Variants in PPA2 observed in about 807,000 individuals in gnomAD.
PPA2 encodes the protein inorganic pyrophosphatase 2, mitochondrial.
PPA2 carries 48 observed loss-of-function variants against 49.5 expected under a neutral mutation model. That is an observed-to-expected ratio of 0.97 (90% CI 0.77 to 1.23). The LOEUF (loss-of-function observed/expected upper bound fraction) is 1.23. PPA2 is among the 50% of genes most tolerant of loss of function. The pLI is 0.00. For synonymous variants in PPA2, 131 were observed against 139.9 expected (o/e 0.94, Z 0.45); for missense variants, 429 against 410.1 (o/e 1.05, Z -0.40).
chr4:105,379,617 C>A (rs1021655054), intron 10 of PPA2, among the ~76,000 whole-genome samples: 8 of 147,018 alleles, frequency 5.4e-5, no homozygotes, highest in African/African-American at 1.5e-4. Flanking sequence ...GCACCCGCCA[C>A]CACGCCTGGC....
chr4:105,373,296 A>G (rs925825666), intron 10 of PPA2, among the ~76,000 whole-genome samples: 2 of 152,168 alleles, frequency 1.3e-5, no homozygotes, highest in Non-Finnish European at 2.9e-5. Context: ...CAACATAAAA[A>G]TTGTACTCCT....
In PPA2 at chr4:105,458,785, G is replaced by C. The variant is rs149348728; in HGVS notation, c.158-2040C>G. Among the ~76,000 whole-genome samples, 552 of 121,942 alleles carry C rather than the reference G, an allele frequency of 4.5e-3. 4 individuals are homozygous for C. The highest frequency in any genetic ancestry group is 8.3e-3 in the Middle Eastern group (1 of 120). The allele number at this position is 121,942 out of a possible 152,430, so 80.0% of individuals were successfully genotyped here. On this transcript the variant is annotated intron_variant, in intron 1 of 11. Coordinates refer to ENST00000341695, the MANE Select transcript of PPA2 (RefSeq NM_176869.3). ...TGCGGTGAGCCGAAATCGCACCACT[G>C]CACTCCAGCCTGGCGACACAAGACT...
At chr4:105,430,523 A>G (rs1384363721) in intron 6 of PPA2, among the ~76,000 whole-genome samples, 1 of 152,242 alleles carries the variant, frequency 6.6e-6, no homozygotes, top group Non-Finnish European at 1.5e-5. Flanking sequence ...TATAAGACCG[A>G]ACACATGTGA....
intron 6 of PPA2, among the ~76,000 whole-genome samples, chr4:105,435,300 T>C (rs1028953804): frequency 1.3e-5 from 2 of 152,196 alleles, no homozygotes; most frequent in African/African-American, 4.8e-5. Flanking sequence ...TCTTATTAAT[T>C]AAAGGAATAA....
chr4:105,464,459 T>C (rs1219086230), intron 1 of PPA2, among the ~76,000 whole-genome samples: 19 of 152,212 alleles, frequency 1.2e-4, no homozygotes, highest in Admixed American at 1.2e-3. Context: ...TCTGAGTTAA[T>C]GTTGAAATGA....
At chr4:105,382,727 G>A (rs143080624) in intron 10 of PPA2, among the ~76,000 whole-genome samples, 7 of 152,220 alleles carry the variant, frequency 4.6e-5, no homozygotes, top group East Asian at 3.9e-4. Context: ...GGCTGGGTGC[G>A]ATGGCTTACA....
In PPA2 at chr4:105,424,267, A is replaced by T. The variant is rs1450259564; in HGVS notation, c.584T>A (p.Ile195Asn). The T allele has an allele frequency of 6.2e-7, 1 of 1,607,362 alleles. No homozygotes were observed. Among genetic ancestry groups the T allele is most frequent in the Non-Finnish European group, 8.5e-7 (1 of 1,178,114 alleles). Residue 195 changes from isoleucine (I) to asparagine (N), a missense_variant, in exon 7 of 12, where the codon ATT (isoleucine) becomes AAT (asparagine). By Grantham distance (149) the Ile-to-Asn change is moderately radical. Transcript: ENST00000341695. ...TTTCCAATCTGTTTCACCTTCATCA[A>T]TAAGAGCCAAAATTCCAAGGATCTT... The part of the protein sequence containing the change: ...HVKILGILAL[I>N]DEGETDWKLI...
Position 105,386,615 on chromosome 4 carries a change from A to C in PPA2, c.891T>G (p.Asp297Glu), listed in dbSNP as rs1230997733. The C allele has an allele frequency of 1.9e-6, 3 of 1,612,490 alleles. No individual in the cohort carries two copies. The highest frequency in any genetic ancestry group is 3.3e-5 in the Admixed American group (2 of 59,954). ...AINCTNVQIS[D>E]SPFRCTQEEA... is the part of the protein sequence containing the mutation. Reference sequence around the variant, plus strand: ...CCTCTTGAGTGCAACGGAAAGGGCTATCAGATATCTGCACGTTTGTGCTGG... The same window carrying C: ...CCTCTTGAGTGCAACGGAAAGGGCTCTCAGATATCTGCACGTTTGTGCTGG... The change falls in exon 10 of 12, where the codon GAT becomes GAG. Residue 297 changes from aspartate (D) to glutamate (E), a missense_variant. Transcript: ENST00000341695.
At chr4:105,459,781 C>T (rs1166443118) in intron 1 of PPA2, among the ~76,000 whole-genome samples, 3 of 152,266 alleles carry the variant, frequency 2.0e-5, no homozygotes, top group Non-Finnish European at 4.4e-5. Context: ...AAAATGGATG[C>T]ATCTAAATAC....
At chr4:105,445,681 G>C (rs1722347238) in intron 5 of PPA2, among the ~76,000 whole-genome samples, 1 of 152,002 alleles carries the variant, frequency 6.6e-6, no homozygotes, top group South Asian at 2.1e-4. Context: ...CATAAAGGCA[G>C]ATGGTTCTCT....
intron 9 of PPA2, among the ~76,000 whole-genome samples, chr4:105,392,686 AG>A (rs1486335004): frequency 3.9e-5 from 6 of 151,952 alleles, no homozygotes; most frequent in Non-Finnish European, 8.8e-5. Context: ...AAAAAAAAAA[AG>A]AAAATGGTTG....
intron 10 of PPA2, among the ~76,000 whole-genome samples, chr4:105,378,922 C>A (rs973615656): frequency 1.3e-5 from 2 of 151,936 alleles, no homozygotes; most frequent in African/African-American, 2.4e-5. Context: ...TTTTAAAAAG[C>A]CTTGAAATCA....
At position 105,474,040 on chromosome 4, in the gene PPA2, A is replaced by G. The variant is rs1239402943; in HGVS notation, c.11T>C (p.Leu4Pro). 16 of 1,590,408 alleles carry G rather than the reference A, an allele frequency of 1.0e-5. No individual in the cohort carries two copies. Among genetic ancestry groups the G allele is most frequent in the Admixed American group, 7.0e-5 (4 of 57,202 alleles). ...GGCACCCGTGCGCAGCAGCCGCAGCAGCGCGCTCATGGCGTCAATGACGGT... is the reference window on the plus strand; with the variant it reads ...GGCACCCGTGCGCAGCAGCCGCAGCGGCGCGCTCATGGCGTCAATGACGGT... MSA[L>P]LRLLRTGAPA... Residue 4 changes from leucine (L) to proline (P), a missense_variant, in exon 1 of 12, where the codon CTG becomes CCG. Transcript: ENST00000341695.
intron 10 of PPA2, among the ~76,000 whole-genome samples, chr4:105,374,858 C>CT (rs377243001): frequency 0.025 from 3,294 of 131,802 alleles, 51 homozygotes; most frequent in Middle Eastern, 0.059. Flanking sequence ...TTTCTTTTTT[C>CT]TTTTTTTTTT....
intron 10 of PPA2, among the ~76,000 whole-genome samples, chr4:105,373,134 G>A (rs1357320890): frequency 6.6e-6 from 1 of 151,900 alleles, no homozygotes; most frequent in East Asian, 1.9e-4. Context: ...CACCGTGCCT[G>A]GCCTAAAATT....
chr4:105,462,606 T>G (rs1318198424), intron 1 of PPA2, among the ~76,000 whole-genome samples: 1 of 152,244 alleles, frequency 6.6e-6, no homozygotes, highest in African/African-American at 2.4e-5. Flanking sequence ...GTTCAATCTA[T>G]TCTACATAAG....
At chr4:105,417,518 C>T (rs2110260353) in intron 7 of PPA2, among the ~76,000 whole-genome samples, 1 of 150,820 alleles carries the variant, frequency 6.6e-6, no homozygotes, top group African/African-American at 2.4e-5. Context: ...AGAATTTAGG[C>T]CTCCCCCATA....
Position 105,473,948 on chromosome 4 carries a change from ACAGGGCCATAG to A in PPA2, c.92_102del (p.Ala31ValfsTer4), listed in dbSNP as rs1022108756. 6.2e-7 allele frequency: 1 copy of A among 1,612,496 alleles called. No homozygotes were observed. Among genetic ancestry groups the A allele is most frequent in the African/African-American group, 1.3e-5 (1 of 74,870 alleles). ...GGCTGGCCGCGCTCCTCAGTGTGGT[ACAGGGCCATAG>A]CACGGCGCGACCCGGTCCCTGCACT... On this transcript the variant is annotated frameshift_variant, in exon 1 of 12. Transcript: ENST00000341695. LOFTEE classifies it high-confidence loss of function.
chr4:105,443,444 GAA>G (rs11351997), intron 5 of PPA2, among the ~76,000 whole-genome samples: 4,721 of 104,536 alleles, frequency 0.045, 185 homozygotes, highest in African/African-American at 0.14. Flanking sequence ...CCATCAAGCA[GAA>G]AAAAAAAAAA....
Sources: allele counts gnomAD v4.1 joint callset (sites outside exome capture counted in the v4.1 genomes callset), GRCh38; gene constraint gnomAD v4.1.1; transcripts MANE v1.5; gene names NCBI Gene and HGNC (gene_info 2026-07-23, HGNC 2026-07-21).